Variants in MECOM observed in about 807,000 individuals in gnomAD.
MECOM encodes MDS1 and EVI1 complex locus, also known as histone-lysine N-methyltransferase MECOM.
MECOM carries 13 observed loss-of-function variants against 116.3 expected under a neutral mutation model. That is an observed-to-expected ratio of 0.11 (90% confidence interval 0.07 to 0.18). The LOEUF is 0.18. Among genes scored for constraint, MECOM ranks in the 10% least tolerant of loss-of-function variants. MECOM has a pLI of 1.00. For synonymous variants in MECOM, 528 were observed against 535.2 expected (o/e 0.99, Z 0.19); for missense variants, 1,299 against 1,509.0 (o/e 0.86, Z 2.31).
chr3:169,147,786 A>T, intron 2 of MECOM: 140 of 670,596 alleles, frequency 2.1e-4, no homozygotes, highest in South Asian at 2.8e-4. Context: ...GAGATGGGGG[A>T]TGGGAGGGAT....
intron 1 of MECOM, among the ~76,000 whole-genome samples, chr3:169,445,810 G>A (rs987376279): frequency 1.4e-4 from 21 of 152,202 alleles, no homozygotes; most frequent in Non-Finnish European, 2.1e-4. Context: ...AAGACCATGG[G>A]AACCCCCTCT....
rs562392121 is a variant in MECOM at position 169,110,374 on chromosome 3, A to G, written c.2577+2413T>C. 3.9e-5 allele frequency among the ~76,000 whole-genome samples: 6 copies of G among 152,304 alleles called. No homozygotes were observed. The East Asian group carries it at 1.2e-3, about 29-fold the overall frequency. On this transcript the variant is annotated intron_variant, in intron 9 of 16. Coordinates refer to ENST00000651503, the MANE Select transcript of MECOM (RefSeq NM_004991.4). ...ATTTAGGTCCTTCCACATGCCAAGC[A>G]CAATGCTAAATATGTTGCGTACATA...
In MECOM at chr3:169,568,087, G is replaced by A. The variant is rs532454111; in HGVS notation, c.37+95249C>T. ...ACGGAGGGTGAGCAGAAGCAGGATG[G>A]GGCGTCACCTCACCCAGGAAATGCA... On this transcript the variant is annotated intron_variant, in intron 1 of 16. Coordinates refer to ENST00000651503, the MANE Select transcript of MECOM (RefSeq NM_004991.4). Among the ~76,000 whole-genome samples the A allele has an allele frequency of 8.5e-5, 13 of 152,262 alleles. No homozygotes were observed. In the South Asian group the frequency reaches 2.5e-3, roughly 29 times the overall value.
At chr3:169,355,342 T>C (rs1013652153) in intron 2 of MECOM, among the ~76,000 whole-genome samples, 1 of 152,018 alleles carries the variant, frequency 6.6e-6, no homozygotes, top group Non-Finnish European at 1.5e-5. Context: ...GGTGACAATA[T>C]AAATTGAACA....
At chr3:169,491,881 A>C (rs1018188960) in intron 1 of MECOM, among the ~76,000 whole-genome samples, 11 of 152,224 alleles carry the variant, frequency 7.2e-5, no homozygotes, top group African/African-American at 2.7e-4. Flanking sequence ...CAATTATAAA[A>C]GTTGTTTCTT....
intron 2 of MECOM, among the ~76,000 whole-genome samples, chr3:169,196,858 C>T (rs961159819): frequency 2.0e-5 from 3 of 151,960 alleles, no homozygotes; most frequent in Admixed American, 6.6e-5. Flanking sequence ...AAGACCCATG[C>T]ACTTGTATTT....
At chr3:169,483,935 C>A in intron 1 of MECOM, 1 of 1,607,796 alleles carries the variant, frequency 6.2e-7, no homozygotes, top group South Asian at 1.1e-5. Context: ...CTTGCAAAAA[C>A]TGCTCAAAAT....
chr3:169,459,758 T>C (rs1277080524), intron 1 of MECOM, among the ~76,000 whole-genome samples: 1 of 75,620 alleles, frequency 1.3e-5, no homozygotes, highest in Non-Finnish European at 2.4e-5. Flanking sequence ...AGCAAACCTG[T>C]TTCAGGTGTA....
intron 2 of MECOM, among the ~76,000 whole-genome samples, chr3:169,242,968 C>T (rs1755079266): frequency 6.6e-6 from 1 of 151,782 alleles, no homozygotes; most frequent in Non-Finnish European, 1.5e-5. Context: ...ATATAGCTCT[C>T]CCCTTTTACT....
At chr3:169,492,125 G>A (rs1753171368) in intron 1 of MECOM, among the ~76,000 whole-genome samples, 1 of 152,182 alleles carries the variant, frequency 6.6e-6, no homozygotes, top group African/African-American at 2.4e-5. Flanking sequence ...TCAGTGGCAT[G>A]ACCCTACTGA....
chr3:169,462,338 T>C (rs1165250773), intron 1 of MECOM, among the ~76,000 whole-genome samples: 1 of 152,204 alleles, frequency 6.6e-6, no homozygotes, highest in Non-Finnish European at 1.5e-5. Context: ...TGCTGAATGA[T>C]GGGCTTAATG....
chr3:169,485,155 T>G (rs1273819047), intron 1 of MECOM, among the ~76,000 whole-genome samples: 2 of 152,022 alleles, frequency 1.3e-5, no homozygotes, highest in Non-Finnish European at 2.9e-5. Context: ...CCACCACGTC[T>G]GGCTAAGTTT....
At chr3:169,583,114 A>G (rs1372004840) in intron 1 of MECOM, among the ~76,000 whole-genome samples, 2 of 152,200 alleles carry the variant, frequency 1.3e-5, no homozygotes, top group Admixed American at 6.5e-5. Context: ...ACTGAGCCTC[A>G]GTTTCTTCAA....
At chr3:169,538,779 A>G (rs1398804725) in intron 1 of MECOM, among the ~76,000 whole-genome samples, 1 of 152,212 alleles carries the variant, frequency 6.6e-6, no homozygotes, top group Non-Finnish European at 1.5e-5. Context: ...TGGTGAGTGC[A>G]GTGACATTAA....
intron 1 of MECOM, among the ~76,000 whole-genome samples, chr3:169,582,852 G>A (rs553954253): frequency 2.6e-5 from 4 of 152,254 alleles, no homozygotes; most frequent in Non-Finnish European, 5.9e-5. Context: ...TAAACACTTA[G>A]GGTTTTCTTT....
intron 1 of MECOM, among the ~76,000 whole-genome samples, chr3:169,629,010 T>C (rs1467422359): frequency 2.0e-5 from 3 of 152,128 alleles, no homozygotes; most frequent in Admixed American, 2.0e-4. Flanking sequence ...GCTAAGTAGA[T>C]TTCTGTGGTG....
chr3:169,566,504 G>A (rs1328667381), intron 1 of MECOM, among the ~76,000 whole-genome samples: 1 of 152,158 alleles, frequency 6.6e-6, no homozygotes, highest in Non-Finnish European at 1.5e-5. Flanking sequence ...TTTGCTGATT[G>A]CCAGGTACCA....
intron 1 of MECOM, among the ~76,000 whole-genome samples, chr3:169,459,640 C>T (rs1258108142): frequency 2.0e-5 from 3 of 152,192 alleles, no homozygotes; most frequent in African/African-American, 7.2e-5. Context: ...GAAGTAGATG[C>T]TTCCAACAAA....
At chr3:169,133,110 TAC>T (rs112130257) in intron 3 of MECOM, among the ~76,000 whole-genome samples, 24,538 of 146,900 alleles carry the variant, frequency 0.17, 2,172 homozygotes, top group South Asian at 0.35. Flanking sequence ...GCAAAACACA[TAC>T]ACACACACAC....
Sources: allele counts gnomAD v4.1 joint callset (sites outside exome capture counted in the v4.1 genomes callset), GRCh38; gene constraint gnomAD v4.1.1; transcripts MANE v1.5; gene names NCBI Gene and HGNC (gene_info 2026-07-23, HGNC 2026-07-21).